PGCKA1: variants seen among roughly 807,000 people sequenced by gnomAD.
PGCKA1 encodes the protein PDCD10 and GCKIII kinases associated 1, also known as PDCD10 and GCKIII kinases-associated protein 1.
At chr4:37,543,695 G>A in the PGCKA1 span, among the ~76,000 whole-genome samples, 318 of 151,850 alleles carry the variant, frequency 2.1e-3, 2 homozygotes, top group African/African-American at 7.1e-3. Flanking sequence ...TTAGCCGGGC[G>A]TGGTGGCGGG....
At chr4:37,503,648 C>T in the PGCKA1 span, among the ~76,000 whole-genome samples, 3 of 152,350 alleles carry the variant, frequency 2.0e-5, no homozygotes, top group East Asian at 3.9e-4. Context: ...GCCATTCTAA[C>T]TGGGGTGAGA....
At chr4:37,551,879 G>A in the PGCKA1 span, among the ~76,000 whole-genome samples, 3 of 152,182 alleles carry the variant, frequency 2.0e-5, no homozygotes, top group African/African-American at 7.2e-5. Context: ...TTCAGCACAA[G>A]TGTACTATAT....
chr4:37,521,759 A>T, the PGCKA1 span, among the ~76,000 whole-genome samples: 1 of 152,176 alleles, frequency 6.6e-6, no homozygotes, highest in African/African-American at 2.4e-5. Context: ...TGTCTAAAAG[A>T]TCTGTCCAAT....
At chr4:37,579,147 A>C in the PGCKA1 span, among the ~76,000 whole-genome samples, 1 of 152,194 alleles carries the variant, frequency 6.6e-6, no homozygotes, top group African/African-American at 2.4e-5. Context: ...AAAAACCAAA[A>C]ACAAAAAAAC....
the PGCKA1 span, among the ~76,000 whole-genome samples, chr4:37,502,576 G>A: frequency 6.6e-6 from 1 of 152,184 alleles, no homozygotes; most frequent in Non-Finnish European, 1.5e-5. Context: ...ATACAGCAGG[G>A]GATGGGTGGC....
At chr4:37,573,908 A>G in the PGCKA1 span, among the ~76,000 whole-genome samples, 151,213 of 152,328 alleles carry the variant, frequency 0.99, 75,066 homozygotes, top group Middle Eastern at 1. Context: ...ACTCATTTTT[A>G]TCTGGGTGCA....
chr4:37,526,469 G>A, the PGCKA1 span, among the ~76,000 whole-genome samples: 1 of 152,142 alleles, frequency 6.6e-6, no homozygotes, highest in Non-Finnish European at 1.5e-5. Flanking sequence ...GGTATATTTT[G>A]TGTAGATTTT....
the PGCKA1 span, among the ~76,000 whole-genome samples, chr4:37,576,326 A>G: frequency 2.0e-5 from 3 of 152,028 alleles, no homozygotes; most frequent in Admixed American, 1.3e-4. Flanking sequence ...TAGGTATTTA[A>G]TTTTATTTGT....
chr4:37,503,532 C>T, the PGCKA1 span, among the ~76,000 whole-genome samples: 66 of 152,306 alleles, frequency 4.3e-4, no homozygotes, highest in African/African-American at 1.5e-3. Context: ...TGTTGGGGAA[C>T]TTCCAAACTG....
the PGCKA1 span, among the ~76,000 whole-genome samples, chr4:37,569,837 C>A: frequency 6.6e-6 from 1 of 152,126 alleles, no homozygotes; most frequent in East Asian, 1.9e-4. Flanking sequence ...GGGAGAAAAC[C>A]CATGAGCACT....
the PGCKA1 span, among the ~76,000 whole-genome samples, chr4:37,539,469 CA>C: frequency 6.6e-6 from 1 of 152,080 alleles, no homozygotes; most frequent in East Asian, 1.9e-4. Flanking sequence ...CCAGCCTGGC[CA>C]ACATGGCAAA....
the PGCKA1 span, chr4:37,588,972 C>T: frequency 3.1e-4 from 348 of 1,127,020 alleles, 1 homozygote; most frequent in Middle Eastern, 3.9e-4. Context: ...AAAGACCATG[C>T]GTGTATTCAG....
At chr4:37,583,403 T>C in the PGCKA1 span, among the ~76,000 whole-genome samples, 1 of 152,002 alleles carries the variant, frequency 6.6e-6, no homozygotes, top group Non-Finnish European at 1.5e-5. Flanking sequence ...GGCATTAGCA[T>C]GGCCTTCTTT....
the PGCKA1 span, among the ~76,000 whole-genome samples, chr4:37,505,708 G>A: frequency 6.6e-6 from 1 of 152,172 alleles, no homozygotes; most frequent in African/African-American, 2.4e-5. Flanking sequence ...AACAGCATGG[G>A]AAAGACCTGC....
At chr4:37,577,844 T>C in the PGCKA1 span, among the ~76,000 whole-genome samples, 1 of 152,204 alleles carries the variant, frequency 6.6e-6, no homozygotes, top group Non-Finnish European at 1.5e-5. Context: ...TTTCCATATG[T>C]TCATATCATT....
At chr4:37,476,213 A>T in the PGCKA1 span, among the ~76,000 whole-genome samples, 2 of 152,146 alleles carry the variant, frequency 1.3e-5, no homozygotes, top group Non-Finnish European at 2.9e-5. Flanking sequence ...TATTTAGCAC[A>T]TGGTTTGGTT....
the PGCKA1 span, among the ~76,000 whole-genome samples, chr4:37,550,364 TA>T: frequency 6.1e-5 from 9 of 148,598 alleles, no homozygotes; most frequent in African/African-American, 1.7e-4. Context: ...AGTTACACAG[TA>T]AAAAAAAAAA....
At chr4:37,532,801 C>A in the PGCKA1 span, among the ~76,000 whole-genome samples, 2 of 139,696 alleles carry the variant, frequency 1.4e-5, no homozygotes, top group Non-Finnish European at 3.2e-5. Flanking sequence ...TCCCATTCGT[C>A]CACTAGCAGG....
At chr4:37,473,122 G>A in the PGCKA1 span, among the ~76,000 whole-genome samples, 3 of 152,112 alleles carry the variant, frequency 2.0e-5, no homozygotes, top group Non-Finnish European at 4.4e-5. Context: ...CTAAATCCCA[G>A]GCTAACTTGC....
Sources: gnomAD v4.1 joint callset for allele counts (sites outside exome capture counted in the v4.1 genomes callset) on GRCh38, gnomAD v4.1.1 for gene constraint, MANE v1.5 for transcripts, NCBI Gene and HGNC (gene_info 2026-07-23, HGNC 2026-07-21) for gene names.